SUMF1: variants seen among roughly 807,000 people sequenced by gnomAD.
SUMF1 encodes the protein sulfatase modifying factor 1, also known as formylglycine-generating enzyme.
Under a neutral mutation model 47.6 loss-of-function variants are expected in SUMF1, and 48 were observed. The observed-to-expected ratio is 1.01, with a 90% confidence interval of 0.80 to 1.28. The LOEUF (loss-of-function observed/expected upper bound fraction) is 1.28. Among genes scored for constraint, SUMF1 ranks in the 50% most tolerant of loss-of-function variants. SUMF1 has a pLI of 0.00. For synonymous variants in SUMF1, 230 were observed against 192.1 expected (o/e 1.20, Z -1.63); for missense variants, 571 against 485.4 (o/e 1.18, Z -1.66).
chr3:4,376,865 A>G (rs115757281), intron 7 of SUMF1, among the ~76,000 whole-genome samples: 4,862 of 152,258 alleles, frequency 0.032, 115 homozygotes, highest in Non-Finnish European at 0.048. Flanking sequence ...CTGTGATCAT[A>G]GCTCACTACA....
intron 8 of SUMF1, among the ~76,000 whole-genome samples, chr3:4,129,091 C>A (rs540942169): frequency 3.9e-5 from 6 of 152,102 alleles, no homozygotes; most frequent in African/African-American, 1.4e-4. Flanking sequence ...GATAAACCCT[C>A]GACCAATGCC....
intron 8 of SUMF1, among the ~76,000 whole-genome samples, chr3:4,178,065 A>G (rs1278084847): frequency 6.6e-6 from 1 of 152,170 alleles, no homozygotes; most frequent in Non-Finnish European, 1.5e-5. Flanking sequence ...TACCAGCCAA[A>G]AAAAGTCCAG....
intron 8 of SUMF1, among the ~76,000 whole-genome samples, chr3:4,097,817 G>A (rs1419798809): frequency 2.0e-5 from 3 of 152,088 alleles, no homozygotes; most frequent in Admixed American, 2.0e-4. Flanking sequence ...CTTACATCCA[G>A]CAGTCCTTGG....
At chr3:4,250,646 G>T (rs1040345645) in intron 8 of SUMF1, among the ~76,000 whole-genome samples, 5 of 152,112 alleles carry the variant, frequency 3.3e-5, no homozygotes, top group South Asian at 2.1e-4. Flanking sequence ...CTTGTTAGAG[G>T]CTAACACAAC....
chr3:4,282,153 T>C (rs938495500), intron 8 of SUMF1, among the ~76,000 whole-genome samples: 39 of 152,276 alleles, frequency 2.6e-4, no homozygotes, highest in African/African-American at 8.9e-4. Flanking sequence ...CCAGTAACAA[T>C]GTAGGAAAAA....
At chr3:4,122,407 G>T (rs1328397447) in intron 8 of SUMF1, among the ~76,000 whole-genome samples, 1 of 152,122 alleles carries the variant, frequency 6.6e-6, no homozygotes, top group African/African-American at 2.4e-5. Flanking sequence ...AGGTATGTGG[G>T]AAATAGGAAG....
chr3:4,103,026 G>C (rs1313219767), intron 8 of SUMF1, among the ~76,000 whole-genome samples: 1 of 151,604 alleles, frequency 6.6e-6, no homozygotes, highest in Non-Finnish European at 1.5e-5. Flanking sequence ...AGGTTCAAAT[G>C]ATTCTCCTGC....
At chr3:4,123,078 A>G (rs1291702216) in intron 8 of SUMF1, among the ~76,000 whole-genome samples, 1 of 152,248 alleles carries the variant, frequency 6.6e-6, no homozygotes, top group African/African-American at 2.4e-5. Context: ...TGAGTAAAGT[A>G]CACAAAAGAG....
At chr3:4,223,756 T>C (rs1276017348) in intron 8 of SUMF1, among the ~76,000 whole-genome samples, 1 of 152,100 alleles carries the variant, frequency 6.6e-6, no homozygotes, top group Admixed American at 6.6e-5. Flanking sequence ...AAGGTGGTGG[T>C]AATGTTTAAA....
intron 8 of SUMF1, among the ~76,000 whole-genome samples, chr3:4,255,751 T>C (rs1267184991): frequency 1.6e-5 from 2 of 127,296 alleles, no homozygotes; most frequent in Admixed American, 7.7e-5. Flanking sequence ...AACTCAGCTC[T>C]GCACCAAGCG....
chr3:4,402,929 G>T (rs1470800595), intron 7 of SUMF1, among the ~76,000 whole-genome samples: 1 of 152,166 alleles, frequency 6.6e-6, no homozygotes, highest in Non-Finnish European at 1.5e-5. Flanking sequence ...GGAGAAAAAT[G>T]CAAGTTTTAT....
At chr3:4,245,600 T>C (rs778976700) in intron 8 of SUMF1, among the ~76,000 whole-genome samples, 3 of 152,168 alleles carry the variant, frequency 2.0e-5, no homozygotes, top group African/African-American at 4.8e-5. Context: ...TGCCTCATCC[T>C]TCCTCTGGAA....
chr3:4,035,907 G>T (rs977866276), intron 9 of SUMF1, among the ~76,000 whole-genome samples: 1 of 152,136 alleles, frequency 6.6e-6, no homozygotes, highest in Non-Finnish European at 1.5e-5. Flanking sequence ...AGTTTAGGGG[G>T]TGAGTGGACA....
At chr3:4,225,171 G>A (rs536917248) in intron 8 of SUMF1, among the ~76,000 whole-genome samples, 4 of 152,086 alleles carry the variant, frequency 2.6e-5, no homozygotes, top group South Asian at 2.1e-4. Flanking sequence ...TCCACCCACA[G>A]CACATTTGGC....
At chr3:4,347,049 C>T (rs1419921123) in intron 8 of SUMF1, among the ~76,000 whole-genome samples, 1 of 152,082 alleles carries the variant, frequency 6.6e-6, no homozygotes, top group African/African-American at 2.4e-5. Context: ...TAATAGCCTA[C>T]CAACTAAAAA....
intron 8 of SUMF1, among the ~76,000 whole-genome samples, chr3:4,114,849 C>G (rs977892774): frequency 1.2e-4 from 19 of 152,144 alleles, no homozygotes; most frequent in African/African-American, 4.3e-4. Flanking sequence ...ATATTTTCAA[C>G]TTATTTAAAA....
intron 8 of SUMF1, chr3:4,303,344 G>C: frequency 6.5e-7 from 1 of 1,527,190 alleles, no homozygotes; most frequent in Non-Finnish European, 8.8e-7. Flanking sequence ...GACTGTCAGG[G>C]TAGTGGGCGT....
At chr3:4,233,626 C>A (rs777929863) in intron 8 of SUMF1, among the ~76,000 whole-genome samples, 13 of 152,036 alleles carry the variant, frequency 8.6e-5, no homozygotes, top group African/African-American at 2.4e-4. Context: ...TTTAGAAAGG[C>A]CTTAAAATAC....
At chr3:4,219,097 C>T (rs1696005961) in intron 8 of SUMF1, among the ~76,000 whole-genome samples, 1 of 152,154 alleles carries the variant, frequency 6.6e-6, no homozygotes, top group South Asian at 2.1e-4. Context: ...CTCCCCCATA[C>T]CACCCCCACA....
Sources: gnomAD v4.1 joint callset for allele counts (sites outside exome capture counted in the v4.1 genomes callset) on GRCh38, gnomAD v4.1.1 for gene constraint, MANE v1.5 for transcripts, NCBI Gene and HGNC (gene_info 2026-07-23, HGNC 2026-07-21) for gene names.